The following EHBP1 variants were observed in gnomAD, a reference collection of about 807,000 sequenced individuals.
EHBP1 encodes EH domain-binding protein 1.
EHBP1 carries 55 observed loss-of-function variants against 144.0 expected under a neutral mutation model. That is an observed-to-expected ratio of 0.38 (90% CI 0.31 to 0.48). The LOEUF is 0.48. Among genes scored for constraint, EHBP1 ranks in the 20% least tolerant of loss-of-function variants. The pLI is 0.98. For synonymous variants in EHBP1, 469 were observed against 472.7 expected (o/e 0.99, Z 0.10); for missense variants, 1,200 against 1,364.2 (o/e 0.88, Z 1.90).
intron 14 of EHBP1, among the ~76,000 whole-genome samples, chr2:62,968,698 C>A (rs980838031): frequency 1.3e-5 from 2 of 152,026 alleles, no homozygotes; most frequent in Non-Finnish European, 2.9e-5. Context: ...ACTGTTAGAC[C>A]TTCTACTTTT....
intron 19 of EHBP1, among the ~76,000 whole-genome samples, chr2:63,023,023 A>C (rs1007288480): frequency 1.3e-5 from 2 of 152,052 alleles, no homozygotes; most frequent in South Asian, 4.2e-4. Flanking sequence ...AATATTCAAT[A>C]ATTAGCTGGG....
intron 14 of EHBP1, among the ~76,000 whole-genome samples, chr2:62,978,217 T>TG (rs1338407486): frequency 1.3e-5 from 2 of 151,046 alleles, no homozygotes; most frequent in African/African-American, 4.9e-5. Flanking sequence ...TTTTTTTTTT[T>TG]GTGAGACAGA....
At chr2:62,900,790 G>A (rs2053353735) in intron 10 of EHBP1, among the ~76,000 whole-genome samples, 1 of 151,706 alleles carries the variant, frequency 6.6e-6, no homozygotes, top group South Asian at 2.1e-4. Context: ...GATGGCAAAT[G>A]ATGTTATCAG....
Position 62,889,200 on chromosome 2 carries a change from C to T in EHBP1, c.1185+14668C>T, listed in dbSNP as rs189943682. Among the ~76,000 whole-genome samples the T allele has an allele frequency of 8.2e-4, 123 of 150,284 alleles. 1 individual carries two copies. The highest frequency in any genetic ancestry group is 1.6e-3 in the African/African-American group (67 of 41,068). ...TGCCTCAGCCTCCCTAGTTAGTAGC[C>T]GCTTTGCCCACTTTTTAATGGGGTT... On this transcript the variant is annotated intron_variant, in intron 10 of 22. Transcript: ENST00000431489.
intron 2 of EHBP1, among the ~76,000 whole-genome samples, chr2:62,720,120 A>G (rs2036080573): frequency 6.6e-6 from 1 of 152,212 alleles, no homozygotes; most frequent in Non-Finnish European, 1.5e-5. Context: ...CTAAGTTTTT[A>G]GGACATACAT....
chr2:62,832,552 G>A (rs575186250), intron 7 of EHBP1, among the ~76,000 whole-genome samples: 2 of 146,186 alleles, frequency 1.4e-5, no homozygotes, highest in African/African-American at 5.1e-5. Context: ...TGCTCACTTC[G>A]TTTCTCTGTG....
At position 63,045,084 on chromosome 2, in the gene EHBP1, C is replaced by T. The variant is rs1272598927; in HGVS notation, c.3296C>T (p.Ala1099Val). ...LAIEDWQKTE[A>V]QKRREQLLLD... ...TCTGCAGACTGGCAGAAGACCGAGGCCCAGAAGCGACGCGAACAGCTTCTG... is the reference window on the plus strand; with the variant it reads ...TCTGCAGACTGGCAGAAGACCGAGGTCCAGAAGCGACGCGAACAGCTTCTG... The change falls in exon 22 of 23, where the codon GCC (alanine) becomes GTC (valine). Residue 1099 changes from alanine to valine, a missense_variant. Ala to Val is a moderately conservative substitution (Grantham distance 64, BLOSUM62 0). Around this residue, in one of 6 missense-constraint regions of EHBP1, gnomAD observed 149 missense variants for 217.0 expected, o/e 0.69. Transcript: ENST00000431489. The surrounding 1 kb of genome is among the most constrained non-coding windows in gnomAD (Gnocchi z 5.7). 18 of 1,569,898 alleles carry T rather than the reference C, an allele frequency of 1.1e-5. No homozygotes were observed. Among genetic ancestry groups the T allele is most frequent in the Non-Finnish European group, 1.5e-5 (17 of 1,156,768 alleles).
intron 5 of EHBP1, among the ~76,000 whole-genome samples, chr2:62,780,534 C>G (rs1276798698): frequency 6.6e-6 from 1 of 152,048 alleles, no homozygotes; most frequent in Non-Finnish European, 1.5e-5. Context: ...AGAAATTTTT[C>G]AGATTGTGCT....
chr2:62,865,748 G>A (rs2049986639), intron 9 of EHBP1, among the ~76,000 whole-genome samples: 1 of 152,114 alleles, frequency 6.6e-6, no homozygotes, highest in Non-Finnish European at 1.5e-5. Context: ...GAAACAAGAC[G>A]AGCCCTACAA....
chr2:62,699,598 G>A (rs1034496193), intron 1 of EHBP1, among the ~76,000 whole-genome samples: 10 of 152,320 alleles, frequency 6.6e-5, no homozygotes, highest in African/African-American at 2.4e-4. Context: ...ACCAGCAAGG[G>A]CACTCTAGAG....
chr2:62,911,354 G>A (rs2054201632), intron 10 of EHBP1, among the ~76,000 whole-genome samples: 1 of 152,154 alleles, frequency 6.6e-6, no homozygotes, highest in Admixed American at 6.6e-5. Context: ...TATTATTATT[G>A]TTGTTCTTGT....
chr2:62,970,629 T>C (rs1034324441), intron 14 of EHBP1, among the ~76,000 whole-genome samples: 1 of 152,164 alleles, frequency 6.6e-6, no homozygotes, highest in Non-Finnish European at 1.5e-5. Flanking sequence ...TTGGCTAAAG[T>C]AATGTCAGTT....
intron 10 of EHBP1, among the ~76,000 whole-genome samples, chr2:62,920,074 A>G (rs1344373408): frequency 6.6e-6 from 1 of 152,184 alleles, no homozygotes; most frequent in Non-Finnish European, 1.5e-5. Context: ...ATTTGAAGAG[A>G]TAATGGCTAA....
chr2:62,691,532 G>A (rs2033904860), intron 1 of EHBP1, among the ~76,000 whole-genome samples: 1 of 152,172 alleles, frequency 6.6e-6, no homozygotes. Flanking sequence ...AGAAATTGGG[G>A]TTTTTATTTC....
chr2:62,881,946 A>C (rs1219822747), intron 10 of EHBP1, among the ~76,000 whole-genome samples: 1 of 152,198 alleles, frequency 6.6e-6, no homozygotes, highest in Non-Finnish European at 1.5e-5. Context: ...AAAGATTACA[A>C]GTCCCCCACC....
chr2:62,747,546 A>G, intron 3 of EHBP1, 94 bp downstream of exon 3: 3 of 989,168 alleles, frequency 3.0e-6, no homozygotes, highest in South Asian at 3.3e-5. Flanking sequence ...ATATTACTTG[A>G]TGTTTTGTTT....
intron 2 of EHBP1, among the ~76,000 whole-genome samples, chr2:62,707,707 T>G (rs1315830565): frequency 6.6e-6 from 1 of 152,232 alleles, no homozygotes; most frequent in African/African-American, 2.4e-5. Flanking sequence ...GAAGTCTATA[T>G]TCTTGTGGGG....
chr2:62,685,234 T>G (rs1032815249), intron 1 of EHBP1, among the ~76,000 whole-genome samples: 2 of 152,200 alleles, frequency 1.3e-5, no homozygotes, highest in African/African-American at 4.8e-5. Context: ...GTAGCTTGAT[T>G]TAATCATTCC....
chr2:62,953,172 G>A (rs1034666021), intron 13 of EHBP1, among the ~76,000 whole-genome samples: 1 of 147,816 alleles, frequency 6.8e-6, no homozygotes, highest in Non-Finnish European at 1.5e-5. Flanking sequence ...AGCCGAGCTG[G>A]CGCCATTGTA....
Sources: allele counts gnomAD v4.1 joint callset (sites outside exome capture counted in the v4.1 genomes callset), GRCh38; gene constraint gnomAD v4.1.1; regional missense constraint gnomAD v4.1.1; non-coding constraint Gnocchi (gnomAD v3.1); transcripts MANE v1.5; gene names NCBI Gene and HGNC (gene_info 2026-07-23, HGNC 2026-07-21).